BCKDHB: variants seen among roughly 807,000 people sequenced by gnomAD.
BCKDHB encodes 2-oxoisovalerate dehydrogenase subunit beta, mitochondrial.
In BCKDHB, 41 loss-of-function variants were observed where a neutral mutation model predicts 48.5. The ratio of observed to expected loss-of-function variants is 0.85; its 90% CI spans 0.66 to 1.10. BCKDHB has a LOEUF of 1.10. Ranked by LOEUF, BCKDHB falls within the 50% of genes least tolerant of loss-of-function variation. The pLI is 0.00. For synonymous variants in BCKDHB, 201 were observed against 174.8 expected (o/e 1.15, Z -1.18); for missense variants, 496 against 494.2 (o/e 1.00, Z -0.03).
chr6:80,257,557 T>C (rs1382996911), intron 8 of BCKDHB, among the ~76,000 whole-genome samples: 1 of 151,802 alleles, frequency 6.6e-6, no homozygotes, highest in Non-Finnish European at 1.5e-5. Flanking sequence ...AGGAGATAGA[T>C]AGATGAGAGG....
the BCKDHB span, among the ~76,000 whole-genome samples, chr6:80,386,939 C>A: frequency 6.6e-6 from 1 of 152,078 alleles, no homozygotes; most frequent in Admixed American, 6.6e-5. Flanking sequence ...CTAAAGGACC[C>A]CACTACATTA....
the BCKDHB span, among the ~76,000 whole-genome samples, chr6:80,370,608 C>T: frequency 1.3e-5 from 2 of 152,074 alleles, no homozygotes; most frequent in African/African-American, 2.4e-5. Context: ...CCTTTGCAAC[C>T]TCATAGCTTA....
At chr6:80,200,502 A>T (rs1188168057) in intron 6 of BCKDHB, among the ~76,000 whole-genome samples, 1 of 152,234 alleles carries the variant, frequency 6.6e-6, no homozygotes, top group East Asian at 1.9e-4. Flanking sequence ...TGTAATAACA[A>T]TTTTTAAGAA....
At chr6:80,373,430 T>TTTGTTG in the BCKDHB span, among the ~76,000 whole-genome samples, 4 of 152,192 alleles carry the variant, frequency 2.6e-5, no homozygotes, top group East Asian at 7.7e-4. Context: ...TATTATCTTT[T>TTTGTTG]TTGTTGTTGT....
chr6:80,201,191 T>C (rs1400201417), intron 7 of BCKDHB, among the ~76,000 whole-genome samples, 160 bp downstream of exon 7: 1 of 152,214 alleles, frequency 6.6e-6, no homozygotes, highest in Non-Finnish European at 1.5e-5. Context: ...ACTTTATTGG[T>C]GTGTAATTGA....
At chr6:80,403,073 C>G in the BCKDHB span, among the ~76,000 whole-genome samples, 6 of 151,718 alleles carry the variant, frequency 4.0e-5, no homozygotes, top group Non-Finnish European at 7.4e-5. Flanking sequence ...GATAATACTG[C>G]TTTTGCTATT....
intron 3 of BCKDHB, among the ~76,000 whole-genome samples, chr6:80,162,517 TC>T (rs1311981892): frequency 6.6e-6 from 1 of 152,176 alleles, no homozygotes; most frequent in Non-Finnish European, 1.5e-5. Flanking sequence ...TACTGATCAT[TC>T]CCATCAGCCT....
intron 9 of BCKDHB, among the ~76,000 whole-genome samples, chr6:80,300,150 CA>C (rs1307153155): frequency 6.6e-6 from 1 of 151,972 alleles, no homozygotes; most frequent in Admixed American, 6.5e-5. Context: ...TTCCAGAGCC[CA>C]GGTGATCCTC....
the BCKDHB span, among the ~76,000 whole-genome samples, chr6:80,409,575 CATATATATATATATATATAT>C: frequency 6.0e-3 from 303 of 50,340 alleles, 4 homozygotes; most frequent in East Asian, 0.017. Flanking sequence ...GTATTGGTTG[CATATATATATATATATATAT>C]ATATATATAT....
intron 9 of BCKDHB, among the ~76,000 whole-genome samples, chr6:80,282,474 C>T (rs1054041504): frequency 6.6e-5 from 10 of 151,694 alleles, no homozygotes; most frequent in Admixed American, 2.6e-4. Flanking sequence ...GTTGTTCGTT[C>T]GATAGGAAAA....
chr6:80,427,393 T>C, the BCKDHB span, among the ~76,000 whole-genome samples: 5 of 152,100 alleles, frequency 3.3e-5, no homozygotes, highest in Non-Finnish European at 7.4e-5. Flanking sequence ...TTCCAACCTT[T>C]TTGCTATTAT....
the BCKDHB span, among the ~76,000 whole-genome samples, chr6:80,351,714 C>T: frequency 0.42 from 61,245 of 147,124 alleles, 15,060 homozygotes; most frequent in Admixed American, 0.57. Context: ...ATGATCTCGG[C>T]TCACTTCAGC....
intron 8 of BCKDHB, among the ~76,000 whole-genome samples, chr6:80,242,587 T>A (rs1439863401): frequency 6.6e-6 from 1 of 152,012 alleles, no homozygotes. Flanking sequence ...ACACACACAG[T>A]TCACATTTTT....
chr6:80,289,776 C>T (rs1440941845), intron 9 of BCKDHB, among the ~76,000 whole-genome samples: 3 of 152,046 alleles, frequency 2.0e-5, no homozygotes, highest in East Asian at 1.9e-4. Flanking sequence ...AGAGACAGGC[C>T]GTTGGACAGC....
the BCKDHB span, chr6:80,374,547 C>T: frequency 1.1e-4 from 81 of 707,620 alleles, no homozygotes; most frequent in Admixed American, 9.0e-4. Flanking sequence ...GGGGTTCTCC[C>T]GGTCAAGTGT....
chr6:80,394,920 A>G, the BCKDHB span, among the ~76,000 whole-genome samples: 2 of 152,112 alleles, frequency 1.3e-5, no homozygotes. Flanking sequence ...AGGTGATCTG[A>G]TGGTTTTATA....
At position 80,148,497 on chromosome 6, in the gene BCKDHB, C is replaced by G. The variant is rs578054991; in HGVS notation, c.344-19181C>G. 2.0e-5 allele frequency among the ~76,000 whole-genome samples: 3 copies of G among 152,236 alleles called. No individual in the cohort carries two copies. In the East Asian group the frequency reaches 5.8e-4, roughly 29 times the overall value. ...TGGTTTTACTTTGGGGTTTCTTTCACTATTGTTCCCATTGCCACTATCATA... is the reference window on the plus strand; with the variant it reads ...TGGTTTTACTTTGGGGTTTCTTTCAGTATTGTTCCCATTGCCACTATCATA... On this transcript the variant is annotated intron_variant, in intron 3 of 9. Coordinates refer to ENST00000320393, the MANE Select transcript of BCKDHB (RefSeq NM_183050.4).
chr6:80,332,939 A>G (rs979546054), intron 9 of BCKDHB, among the ~76,000 whole-genome samples: 2 of 145,564 alleles, frequency 1.4e-5, no homozygotes, highest in African/African-American at 5.1e-5. Flanking sequence ...AAAAAAAAAA[A>G]GTACAAATTC....
chr6:80,224,988 A>G (rs1196287339), intron 8 of BCKDHB, among the ~76,000 whole-genome samples: 2 of 152,172 alleles, frequency 1.3e-5, no homozygotes, highest in Admixed American at 6.6e-5. Context: ...TCCATTGTTG[A>G]ACTGAAATTT....
Sources: allele counts gnomAD v4.1 joint callset (sites outside exome capture counted in the v4.1 genomes callset), GRCh38; gene constraint gnomAD v4.1.1; transcripts MANE v1.5; gene names NCBI Gene and HGNC (gene_info 2026-07-23, HGNC 2026-07-21).